Variants in KLF12 observed in about 807,000 individuals in gnomAD.
The protein encoded by KLF12 is Krueppel-like factor 12.
A neutral mutation model predicts 37.8 loss-of-function variants in KLF12; 9 were observed. The observed-to-expected ratio is 0.24, with a 90% CI of 0.14 to 0.42. The LOEUF (loss-of-function observed/expected upper bound fraction) is 0.42, where lower values mean the gene tolerates loss of function less well. Among genes scored for constraint, KLF12 ranks in the 10% least tolerant of loss-of-function variants. The pLI, the probability that KLF12 is intolerant of heterozygous loss-of-function variation, is 1.00. For synonymous variants in KLF12, 208 were observed against 202.1 expected, an observed-to-expected ratio of 1.03 and a Z score of -0.25; for missense variants, 411 against 516.0, an observed-to-expected ratio of 0.80 and a Z score of 1.97.
intron 3 of KLF12, among the ~76,000 whole-genome samples, chr13:73,859,661 A>G (rs1478351845): frequency 6.6e-6 from 1 of 152,216 alleles, no homozygotes; most frequent in Non-Finnish European, 1.5e-5. Flanking sequence ...TTTCTTATTT[A>G]GTTCCCGTTT....
At chr13:74,178,113 T>A in the KLF12 span, among the ~76,000 whole-genome samples, 2 of 152,156 alleles carry the variant, frequency 1.3e-5, no homozygotes, top group African/African-American at 2.4e-5. Context: ...GTTCTGCCAG[T>A]TTTTAAATGT....
the KLF12 span, among the ~76,000 whole-genome samples, chr13:74,178,900 A>G: frequency 1.7e-4 from 26 of 152,216 alleles, no homozygotes; most frequent in Non-Finnish European, 3.5e-4. Flanking sequence ...AGTTTTACTA[A>G]CAATTTATAA....
At chr13:73,819,040 A>G (rs137901116) in intron 4 of KLF12, among the ~76,000 whole-genome samples, 1 of 152,346 alleles carries the variant, frequency 6.6e-6, no homozygotes, top group African/African-American at 2.4e-5. Context: ...GAAAATTCAT[A>G]GTATCAGTAG....
At chr13:74,157,343 C>T in the KLF12 span, among the ~76,000 whole-genome samples, 1 of 152,152 alleles carries the variant, frequency 6.6e-6, no homozygotes, top group East Asian at 1.9e-4. Context: ...TTTACCTGAT[C>T]CTATAGCCAA....
At chr13:73,965,030 T>C (rs1254303381) in intron 2 of KLF12, among the ~76,000 whole-genome samples, 1 of 152,150 alleles carries the variant, frequency 6.6e-6, no homozygotes, top group African/African-American at 2.4e-5. Context: ...CAGTTTAGCT[T>C]GGCCTTGGCA....
In KLF12 at chr13:73,715,606, A is replaced by T. The variant is rs1875743155; in HGVS notation, c.870-81T>A. 6 of 1,372,992 alleles carry T rather than the reference A, an allele frequency of 4.4e-6. 1 individual carries two copies. In the African/African-American group the frequency reaches 5.7e-5, roughly 13 times the overall value. The allele number at this position is 1,372,992 out of a possible 1,614,324, so 85.1% of individuals were successfully genotyped here. Reference sequence around the variant, plus strand: ...TCTGGTGGCATGGGAACATTGTCTCAGACACTACAGCTTCACAGACTCAAG... The same window carrying T: ...TCTGGTGGCATGGGAACATTGTCTCTGACACTACAGCTTCACAGACTCAAG... On this transcript the variant is annotated intron_variant, in intron 6 of 7. Coordinates refer to ENST00000377669, the MANE Select transcript of KLF12 (RefSeq NM_007249.5).
the KLF12 span, among the ~76,000 whole-genome samples, chr13:74,252,393 T>G: frequency 6.6e-6 from 1 of 152,198 alleles, no homozygotes; most frequent in Admixed American, 6.5e-5. Flanking sequence ...ACCTCTTTCC[T>G]GCTGTTCTCA....
chr13:74,080,285 G>GT (rs140594851), intron 1 of KLF12, among the ~76,000 whole-genome samples: 49,775 of 149,336 alleles, frequency 0.33, 8,529 homozygotes, highest in Middle Eastern at 0.45. Context: ...AAAAAAAGTT[G>GT]TTTTTTTTTT....
At chr13:74,068,573 T>C in intron 1 of KLF12, among the ~76,000 whole-genome samples, 1 of 151,416 alleles carries the variant, frequency 6.6e-6, no homozygotes, top group Non-Finnish European at 1.5e-5. Context: ...TTTTTTTTTT[T>C]TGAGACTGAG....
the KLF12 span, among the ~76,000 whole-genome samples, chr13:74,222,581 C>T: frequency 4.4e-3 from 671 of 152,230 alleles, 6 homozygotes; most frequent in African/African-American, 0.016. Context: ...TAATTAGGTG[C>T]CAGCTCTTAT....
chr13:73,951,358 C>T (rs533687241), intron 2 of KLF12, among the ~76,000 whole-genome samples: 13 of 152,090 alleles, frequency 8.5e-5, no homozygotes, highest in South Asian at 4.1e-4. Context: ...TTTTTAACTA[C>T]GGCTATTTTA....
At chr13:74,144,416 G>A in the KLF12 span, among the ~76,000 whole-genome samples, 1 of 152,108 alleles carries the variant, frequency 6.6e-6, no homozygotes, top group African/African-American at 2.4e-5. Flanking sequence ...ACAAAGCATG[G>A]CCATTAACTA....
At chr13:74,011,747 G>A (rs1354948990) in intron 1 of KLF12, among the ~76,000 whole-genome samples, 2 of 152,192 alleles carry the variant, frequency 1.3e-5, no homozygotes, top group African/African-American at 2.4e-5. Flanking sequence ...TATACAAACA[G>A]TATGCCATTT....
intron 6 of KLF12, among the ~76,000 whole-genome samples, chr13:73,762,600 T>A (rs889003905): frequency 1.8e-4 from 27 of 152,208 alleles, no homozygotes; most frequent in African/African-American, 5.8e-4. Context: ...TCACTGTTCC[T>A]AATTCTCAAA....
chr13:73,984,457 A>G (rs1217893890), intron 2 of KLF12, among the ~76,000 whole-genome samples: 1 of 152,122 alleles, frequency 6.6e-6, no homozygotes, highest in Non-Finnish European at 1.5e-5. Flanking sequence ...CTTCTCCCAC[A>G]GTTCCCTGGC....
intron 6 of KLF12, among the ~76,000 whole-genome samples, chr13:73,749,221 G>A (rs2137953304): frequency 6.6e-6 from 1 of 152,152 alleles, no homozygotes; most frequent in Non-Finnish European, 1.5e-5. Flanking sequence ...TTAAAATTCA[G>A]TACCTGCTGA....
chr13:73,985,428 G>A (rs1891802580), intron 2 of KLF12, among the ~76,000 whole-genome samples: 2 of 152,174 alleles, frequency 1.3e-5, no homozygotes, highest in South Asian at 4.1e-4. Context: ...GCACATGATT[G>A]AAAACAGGGA....
At chr13:74,122,700 T>G (rs1294488318) in intron 1 of KLF12, among the ~76,000 whole-genome samples, 1 of 151,994 alleles carries the variant, frequency 6.6e-6, no homozygotes, top group East Asian at 1.9e-4. Context: ...TATAACAAAT[T>G]TTTAATTGAT....
rs962207562 is a variant in KLF12 at position 74,036,971 on chromosome 13, C to T, written c.-31-41918G>A. ...CTGTAATCCCAGCACTTTGGGAGGC[C>T]GAGGCAGGTGGATCACGAGGTCAGG... On this transcript the variant is annotated intron_variant, in intron 1 of 7. Transcript: ENST00000377669. Among the ~76,000 whole-genome samples the T allele has an allele frequency of 2.2e-4, 33 of 152,068 alleles. 1 individual carries two copies. The highest frequency in any genetic ancestry group is 1.4e-3 in the Admixed American group (21 of 15,286).
Sources: allele counts gnomAD v4.1 joint callset (sites outside exome capture counted in the v4.1 genomes callset), GRCh38; gene constraint gnomAD v4.1.1; transcripts MANE v1.5; gene names NCBI Gene and HGNC (gene_info 2026-07-23, HGNC 2026-07-21).